The following OTOG variants were observed in gnomAD, a reference collection of about 807,000 sequenced individuals.
OTOG encodes the protein otogelin.
OTOG carries 296 observed loss-of-function variants against 313.8 expected under a neutral mutation model. The observed-to-expected ratio is 0.94, with a 90% CI of 0.86 to 1.04. OTOG has a LOEUF of 1.04. Ranked by LOEUF, OTOG falls within the 50% of genes least tolerant of loss-of-function variation. OTOG has a pLI of 0.00. For synonymous variants in OTOG, 1,533 were observed against 1,554.9 expected (o/e 0.99, Z 0.33); for missense variants, 3,948 against 3,840.1 (o/e 1.03, Z -0.74).
In OTOG at chr11:17,630,284, C is replaced by T. The variant is rs149500112; in HGVS notation, c.6712+968C>T. Reference sequence around the variant, plus strand: ...ACACCATCACCATCACCATCACTACCACCATCTTTTTCTCATCATTTCTTC... The same window carrying T: ...ACACCATCACCATCACCATCACTACTACCATCTTTTTCTCATCATTTCTTC... On this transcript the variant is annotated intron_variant, in intron 40 of 55. Transcript: ENST00000399397. Among the ~76,000 whole-genome samples the T allele has an allele frequency of 5.3e-5, 8 of 152,256 alleles. 1 individual carries two copies. In the East Asian group the frequency reaches 1.5e-3, roughly 29 times the overall value.
rs12792504 is a variant in OTOG at position 17,594,039 on chromosome 11, C to G, written c.3289-8C>G. ...TGCAACTGACCATGGTGTCCTCTCT[C>G]CTTTCAGGGCCAGCTGGCGGGCCTC... On this transcript the variant is annotated splice_region_variant and splice_polypyrimidine_tract_variant and intron_variant, in intron 27 of 55. Transcript: ENST00000399397. 20,851 of 1,550,578 alleles carry G rather than the reference C, an allele frequency of 0.013. 204 individuals are homozygous for G. Among genetic ancestry groups the G allele is most frequent in the Non-Finnish European group, 0.016 (18,867 of 1,146,984 alleles).
chr11:17,583,180 G>A lies in OTOG; in HGVS notation c.2760-3294G>A, dbSNP rs183466871. Among the ~76,000 whole-genome samples, 161 of 152,072 alleles carry A rather than the reference G, an allele frequency of 1.1e-3. 2 individuals carry two copies. Among genetic ancestry groups the A allele is most frequent in the Admixed American group, 9.7e-3 (148 of 15,266 alleles). ...GACAAGGTCTTGCTCTGCTGCTCAG[G>A]CAGGAGTGCAGTGGTGCCATCACGG... On this transcript the variant is annotated intron_variant, in intron 23 of 55. Coordinates refer to ENST00000399397, the MANE Select transcript of OTOG (RefSeq NM_001292063.2).
intron 3 of OTOG, among the ~76,000 whole-genome samples, chr11:17,551,540 TG>T (rs1033531390): frequency 2.0e-5 from 3 of 151,186 alleles, no homozygotes; most frequent in Non-Finnish European, 4.4e-5. Context: ...AAGGTTGGGG[TG>T]GGGGTGGCTG....
chr11:17,644,637 C>T lies in OTOG; in HGVS notation c.8462-927C>T, dbSNP rs369230239. Among the ~76,000 whole-genome samples, 16 of 152,000 alleles carry T rather than the reference C, an allele frequency of 1.1e-4. No individual in the cohort carries two copies. In the East Asian group the frequency reaches 2.5e-3, roughly 24 times the overall value. ...ACTTATGCAATGTGGGGGGCTTCAA[C>T]AAGAAGAAGAATACAAAATGTACAA... On this transcript the variant is annotated intron_variant, in intron 54 of 55. Coordinates refer to ENST00000399397, the MANE Select transcript of OTOG (RefSeq NM_001292063.2).
At chr11:17,559,884 G>A (rs10832800) in intron 12 of OTOG, among the ~76,000 whole-genome samples, 2 of 147,198 alleles carry the variant, frequency 1.4e-5, no homozygotes, top group African/African-American at 2.5e-5. Context: ...AAGGAAGGAA[G>A]GGAGAGAGGG....
intron 43 of OTOG, 24 bp downstream of exon 43, chr11:17,633,898 G>T (rs928534897): frequency 1.7e-4 from 250 of 1,507,966 alleles, no homozygotes; most frequent in Middle Eastern, 2.2e-4. Context: ...CTCCCTGAGT[G>T]GGGGGCCTCC....
chr11:17,560,060 A>G (rs1256077020), intron 12 of OTOG, among the ~76,000 whole-genome samples: 1 of 152,202 alleles, frequency 6.6e-6, no homozygotes, highest in Non-Finnish European at 1.5e-5. Context: ...ATTTAAATTA[A>G]TCAGGACTGC....
chr11:17,646,040 A>G lies in OTOG; in HGVS notation c.*96A>G. ...AATGGGGGTATTAAAGGTGGTAGAA[A>G]TCTGGCACGTGTTGAGCATGGAATG... On this transcript the variant is annotated 3_prime_UTR_variant, in exon 56 of 56. Transcript: ENST00000399397. 7.8e-7 allele frequency: 1 copy of G among 1,279,870 alleles called. No individual in the cohort carries two copies. Among genetic ancestry groups the G allele is most frequent in the Middle Eastern group, 2.4e-4 (1 of 4,136 alleles). 79.3% of individuals were successfully genotyped at this position (1,279,870 alleles called of 1,614,324 possible). A position where few individuals can be genotyped will look rare whatever the true frequency, so the allele number is the denominator to read the frequency against.
rs1237706898 is a variant in OTOG at position 17,612,022 on chromosome 11, A to G, written c.6124-140A>G. On this transcript the variant is annotated intron_variant, in intron 36 of 55. Transcript: ENST00000399397. ...AGGCCCCACATGGCTTGTGGTGGGTAGGGGGTGAGGGCCTCTTTCCCTAGA... is the reference window on the plus strand; with the variant it reads ...AGGCCCCACATGGCTTGTGGTGGGTGGGGGGTGAGGGCCTCTTTCCCTAGA... 6.6e-5 allele frequency: 66 copies of G among 998,086 alleles called. No homozygotes were observed. The East Asian group carries it at 1.4e-3, about 21-fold the overall frequency. The allele number at this position is 998,086 out of a possible 1,614,324, so 61.8% of individuals were successfully genotyped here.
intron 5 of OTOG, 60 bp from the exon 6 acceptor site, chr11:17,553,305 C>A: frequency 6.7e-7 from 1 of 1,503,080 alleles, no homozygotes; most frequent in Non-Finnish European, 8.9e-7. Context: ...TGGAACCCAC[C>A]AGCCTCTGGC....
intron 39 of OTOG, among the ~76,000 whole-genome samples, chr11:17,617,242 T>C (rs951128778): frequency 6.6e-6 from 1 of 152,188 alleles, no homozygotes; most frequent in Non-Finnish European, 1.5e-5. Flanking sequence ...GTTGTATCCT[T>C]ATGATAGGTA....
At chr11:17,622,551 C>CGTG (rs1317546113) in intron 39 of OTOG, among the ~76,000 whole-genome samples, 1 of 152,104 alleles carries the variant, frequency 6.6e-6, no homozygotes, top group East Asian at 1.9e-4. Context: ...CCCCTGTGTC[C>CGTG]GTGAGTTCAA....
intron 31 of OTOG, among the ~76,000 whole-genome samples, chr11:17,601,851 G>T (rs1046602559): frequency 6.6e-6 from 1 of 152,232 alleles, no homozygotes; most frequent in Non-Finnish European, 1.5e-5. Context: ...TCTTCTTCCA[G>T]AGGGGACCTT....
intron 23 of OTOG, among the ~76,000 whole-genome samples, chr11:17,583,511 A>G (rs1256257384): frequency 2.6e-5 from 4 of 152,206 alleles, no homozygotes; most frequent in African/African-American, 9.6e-5. Flanking sequence ...GAGTCAAGGT[A>G]TGTTTTATTT....
chr11:17,619,993 T>C (rs1484164617), intron 39 of OTOG, among the ~76,000 whole-genome samples: 1 of 152,240 alleles, frequency 6.6e-6, no homozygotes, highest in Non-Finnish European at 1.5e-5. Context: ...TTCCTTCATT[T>C]TTAAGAGATA....
At chr11:17,563,137 T>C (rs1852223772) in intron 15 of OTOG, among the ~76,000 whole-genome samples, 1 of 152,112 alleles carries the variant, frequency 6.6e-6, no homozygotes. Flanking sequence ...ACTGAGAAAA[T>C]GGCCAATGTG....
At chr11:17,576,227 G>A (rs981791590) in intron 20 of OTOG, among the ~76,000 whole-genome samples, 2 of 152,312 alleles carry the variant, frequency 1.3e-5, no homozygotes, top group East Asian at 1.9e-4. Flanking sequence ...TTCCTGACAT[G>A]GCATGGGCTC....
intron 14 of OTOG, among the ~76,000 whole-genome samples, chr11:17,561,385 G>GGTACTTTTATTAAAGACCTTTC (rs1852179221): frequency 2.0e-5 from 3 of 152,358 alleles, no homozygotes; most frequent in Admixed American, 2.0e-4. Flanking sequence ...ACCTTCCCGA[G>GGTACTTTTATTAAAGACCTTTC]CTAGGGGTAC....
At chr11:17,574,130 A>G (rs1852464127) in intron 19 of OTOG, among the ~76,000 whole-genome samples, 1 of 152,166 alleles carries the variant, frequency 6.6e-6, no homozygotes, top group South Asian at 2.1e-4. Context: ...GCTGAACTGG[A>G]TGGTCTCAGT....
Sources: allele counts gnomAD v4.1 joint callset (sites outside exome capture counted in the v4.1 genomes callset), GRCh38; gene constraint gnomAD v4.1.1; transcripts MANE v1.5; gene names NCBI Gene and HGNC (gene_info 2026-07-23, HGNC 2026-07-21).